Variants in DPP10 observed in about 807,000 individuals in gnomAD.
The protein encoded by DPP10 is dipeptidyl peptidase like 10.
Under a neutral mutation model 120.9 loss-of-function variants are expected in DPP10, and 33 were observed. The observed-to-expected ratio is 0.27, with a 90% CI of 0.21 to 0.37. The LOEUF (loss-of-function observed/expected upper bound fraction) is 0.37. Among genes scored for constraint, DPP10 ranks in the 10% least tolerant of loss-of-function variants. The probability of loss-of-function intolerance (pLI) is 1.00; values close to 1 mark genes in which losing one functional copy is unlikely to be tolerated. For synonymous variants in DPP10, 337 were observed against 326.1 expected (o/e 1.03, Z -0.36); for missense variants, 816 against 942.8 (o/e 0.87, Z 1.76).
Position 115,795,707 on chromosome 2 carries a change from T to C in DPP10, c.1700+4351T>C, listed in dbSNP as rs544074150. On this transcript the variant is annotated intron_variant, in intron 19 of 25. Coordinates refer to ENST00000410059, the MANE Select transcript of DPP10 (RefSeq NM_020868.6). ...TGATCATTCACAATGAGGGAATATA[T>C]TCAGTTATTCATATCCAACAGTCAA... is the stretch of plus-strand genomic sequence containing the variant. 1.8e-4 allele frequency among the ~76,000 whole-genome samples: 28 copies of C among 152,268 alleles called. No homozygotes were observed. In the East Asian group the frequency reaches 4.8e-3, roughly 26 times the overall value.
At chr2:114,752,820 ACAGG>A (rs1679364626) in intron 1 of DPP10, among the ~76,000 whole-genome samples, 1 of 152,362 alleles carries the variant, frequency 6.6e-6, no homozygotes, top group African/African-American at 2.4e-5. Context: ...AATGGCAGTC[ACAGG>A]AAAGGAAAGT....
intron 1 of DPP10, among the ~76,000 whole-genome samples, chr2:115,128,584 A>C (rs940203265): frequency 6.6e-6 from 1 of 152,366 alleles, no homozygotes; most frequent in East Asian, 1.9e-4. Flanking sequence ...AAACAAAATT[A>C]ACCAGATTTA....
chr2:115,407,183 G>C (rs1467060351), intron 3 of DPP10, among the ~76,000 whole-genome samples: 1 of 152,182 alleles, frequency 6.6e-6, no homozygotes, highest in Non-Finnish European at 1.5e-5. Flanking sequence ...GCAGTGCGCA[G>C]GTGGGCATTA....
chr2:114,705,244 C>T (rs1181940795), intron 1 of DPP10, among the ~76,000 whole-genome samples: 1 of 152,056 alleles, frequency 6.6e-6, no homozygotes, highest in East Asian at 1.9e-4. Context: ...AAATTCTTAT[C>T]CTAATATGAC....
intron 1 of DPP10, among the ~76,000 whole-genome samples, chr2:114,861,482 G>T (rs1340575388): frequency 6.6e-6 from 1 of 152,120 alleles, no homozygotes; most frequent in Non-Finnish European, 1.5e-5. Flanking sequence ...AAATGCATTT[G>T]ATTTACCAAT....
intron 21 of DPP10, among the ~76,000 whole-genome samples, chr2:115,822,776 T>TA (rs1202835019): frequency 6.6e-6 from 1 of 152,002 alleles, no homozygotes; most frequent in Non-Finnish European, 1.5e-5. Flanking sequence ...AAACACTTAT[T>TA]AAAAATGTGT....
chr2:114,872,904 G>T (rs7607352), intron 1 of DPP10, among the ~76,000 whole-genome samples: 50,655 of 152,006 alleles, frequency 0.33, 8,962 homozygotes, highest in East Asian at 0.58. Flanking sequence ...TACAATAGTT[G>T]ATTCACATTC....
chr2:114,742,586 C>T (rs1404810499), intron 1 of DPP10, among the ~76,000 whole-genome samples: 3 of 152,142 alleles, frequency 2.0e-5, no homozygotes, highest in African/African-American at 7.2e-5. Flanking sequence ...TCAGCATATA[C>T]TAATATGAGC....
At chr2:114,882,610 A>G (rs1039730483) in intron 1 of DPP10, among the ~76,000 whole-genome samples, 2 of 152,068 alleles carry the variant, frequency 1.3e-5, no homozygotes, top group African/African-American at 4.8e-5. Context: ...AGGTGCACCT[A>G]AATCTCTAAA....
At chr2:114,520,007 C>A (rs1260881493) in intron 1 of DPP10, among the ~76,000 whole-genome samples, 3 of 152,108 alleles carry the variant, frequency 2.0e-5, no homozygotes, top group African/African-American at 4.8e-5. Context: ...ACACAACAAC[C>A]AAGAAAAAAG....
At chr2:114,910,688 T>C (rs1444896747) in intron 1 of DPP10, among the ~76,000 whole-genome samples, 2 of 152,102 alleles carry the variant, frequency 1.3e-5, no homozygotes, top group African/African-American at 4.8e-5. Flanking sequence ...ATTTGAAAAT[T>C]CCCAAAAGTT....
chr2:114,986,572 C>A (rs1574637360), intron 1 of DPP10, among the ~76,000 whole-genome samples: 1 of 152,062 alleles, frequency 6.6e-6, no homozygotes, highest in Non-Finnish European at 1.5e-5. Flanking sequence ...CCAATCAAAT[C>A]TGAAGGTCCA....
chr2:115,590,239 A>G (rs2082558651), intron 5 of DPP10, among the ~76,000 whole-genome samples: 1 of 150,940 alleles, frequency 6.6e-6, no homozygotes, highest in African/African-American at 2.4e-5. Context: ...ACATATGTAT[A>G]CATGTGCCAT....
intron 3 of DPP10, among the ~76,000 whole-genome samples, chr2:115,457,133 A>G (rs1412847174): frequency 6.6e-6 from 1 of 152,114 alleles, no homozygotes; most frequent in Non-Finnish European, 1.5e-5. Flanking sequence ...ATGGCCAATT[A>G]ATTTAAAAAA....
At chr2:115,057,241 C>T (rs1019615967) in intron 1 of DPP10, among the ~76,000 whole-genome samples, 2 of 152,132 alleles carry the variant, frequency 1.3e-5, no homozygotes, top group Non-Finnish European at 2.9e-5. Flanking sequence ...CCTGCCTTAC[C>T]CACTCTGTGT....
intron 5 of DPP10, among the ~76,000 whole-genome samples, chr2:115,602,360 T>G (rs138169801): frequency 8.7e-4 from 133 of 152,328 alleles, no homozygotes; most frequent in African/African-American, 3.0e-3. Context: ...AAGTAAATGC[T>G]CATTTTTAGC....
chr2:115,296,520 C>G (rs1006391475), intron 1 of DPP10, among the ~76,000 whole-genome samples: 1 of 151,982 alleles, frequency 6.6e-6, no homozygotes, highest in Admixed American at 6.6e-5. Context: ...TTTCCTCAGC[C>G]TGGGATGACT....
At chr2:115,138,668 A>T (rs2050769657) in intron 1 of DPP10, among the ~76,000 whole-genome samples, 1 of 152,184 alleles carries the variant, frequency 6.6e-6, no homozygotes, top group African/African-American at 2.4e-5. Flanking sequence ...TTTTTTTATT[A>T]ATAAGGACAC....
At chr2:115,019,454 C>T (rs779541720) in intron 1 of DPP10, among the ~76,000 whole-genome samples, 15 of 151,826 alleles carry the variant, frequency 9.9e-5, no homozygotes, top group Non-Finnish European at 1.9e-4. Flanking sequence ...TGAATTAACC[C>T]AATCCAACAA....
Sources: gnomAD v4.1 joint callset for allele counts (sites outside exome capture counted in the v4.1 genomes callset) on GRCh38, gnomAD v4.1.1 for gene constraint, MANE v1.5 for transcripts, NCBI Gene and HGNC (gene_info 2026-07-23, HGNC 2026-07-21) for gene names.